Variants in NDUFA5 observed in about 807,000 individuals in gnomAD.
NDUFA5 encodes NADH:ubiquinone oxidoreductase subunit A5, also known as NADH dehydrogenase [ubiquinone] 1 alpha subcomplex subunit 5.
A neutral mutation model predicts 19.8 loss-of-function variants in NDUFA5; 11 were observed. The ratio of observed to expected loss-of-function variants is 0.56; its 90% CI spans 0.35 to 0.92. NDUFA5 has a LOEUF of 0.92. Ranked by LOEUF, NDUFA5 falls within the 40% of genes least tolerant of loss-of-function variation. The pLI is 0.01. For synonymous variants in NDUFA5, 47 were observed against 46.8 expected (o/e 1.00, Z -0.01); for missense variants, 109 against 134.2 (o/e 0.81, Z 0.93).
At chr7:123,580,077 G>T in the NDUFA5 span, among the ~76,000 whole-genome samples, 1 of 151,970 alleles carries the variant, frequency 6.6e-6, no homozygotes, top group African/African-American at 2.4e-5. Context: ...GGCGGGATTA[G>T]AAAAATTCAT....
At chr7:123,580,069 C>T in the NDUFA5 span, among the ~76,000 whole-genome samples, 1 of 151,688 alleles carries the variant, frequency 6.6e-6, no homozygotes, top group African/African-American at 2.4e-5. Context: ...AAGAGATTGG[C>T]GGGATTAGAA....
the NDUFA5 span, among the ~76,000 whole-genome samples, chr7:123,589,575 G>C: frequency 6.6e-6 from 1 of 151,948 alleles, no homozygotes; most frequent in Non-Finnish European, 1.5e-5. Context: ...GCTGTGTTTG[G>C]TTTTATGTCC....
the NDUFA5 span, among the ~76,000 whole-genome samples, chr7:123,588,541 C>T: frequency 1.3e-5 from 2 of 150,338 alleles, no homozygotes; most frequent in African/African-American, 4.9e-5. Flanking sequence ...TTCTTTCCTT[C>T]TTTTTCTTTC....
intron 4 of NDUFA5, among the ~76,000 whole-genome samples, chr7:123,543,487 G>A (rs542896898): frequency 6.6e-6 from 1 of 152,164 alleles, no homozygotes; most frequent in Non-Finnish European, 1.5e-5. Context: ...AAATTCAGAT[G>A]TGCTGCAAAG....
chr7:123,549,194 T>C (rs1798242360), intron 3 of NDUFA5, among the ~76,000 whole-genome samples: 1 of 151,912 alleles, frequency 6.6e-6, no homozygotes, highest in Non-Finnish European at 1.5e-5. Context: ...GATTTACATA[T>C]TGAAAAAAAA....
At chr7:123,583,769 T>C in the NDUFA5 span, among the ~76,000 whole-genome samples, 7 of 151,816 alleles carry the variant, frequency 4.6e-5, no homozygotes, top group Non-Finnish European at 1.0e-4. Context: ...ATCTTCATAA[T>C]ATACTGAGAA....
At chr7:123,556,028 A>C (rs1798524903) in intron 2 of NDUFA5, 1 of 152,252 alleles carries the variant, frequency 6.6e-6, no homozygotes, top group South Asian at 2.1e-4. Context: ...GGGTAGTAGC[A>C]GAGGAGGTAG....
chr7:123,599,478 A>G, the NDUFA5 span, among the ~76,000 whole-genome samples: 1 of 152,290 alleles, frequency 6.6e-6, no homozygotes, highest in African/African-American at 2.4e-5. Context: ...GTTTTTTAAA[A>G]TCCAGGCCTG....
At chr7:123,574,844 A>G in the NDUFA5 span, among the ~76,000 whole-genome samples, 1 of 151,992 alleles carries the variant, frequency 6.6e-6, no homozygotes, top group Non-Finnish European at 1.5e-5. Flanking sequence ...TTTTCCTCCA[A>G]AGTACTCTTT....
chr7:123,541,550 C>T lies in NDUFA5; in HGVS notation c.*569G>A, dbSNP rs979124859. The T allele has an allele frequency of 1.3e-5, 2 of 152,168 alleles. No individual in the cohort carries two copies. The highest frequency in any genetic ancestry group is 2.4e-5 in the African/African-American group (1 of 41,534). 9.4% of individuals were successfully genotyped at this position (152,168 alleles called of 1,614,324 possible). The stretch of plus-strand genomic sequence containing the variant: ...TTCAATAATGACTAAAATAAAATGA[C>T]ACTATGGATTTTGTAATCAACCTAT... On this transcript the variant is annotated 3_prime_UTR_variant, in exon 5 of 5. Transcript: ENST00000355749.
chr7:123,565,967 C>G, the NDUFA5 span, among the ~76,000 whole-genome samples: 1 of 150,674 alleles, frequency 6.6e-6, no homozygotes, highest in Non-Finnish European at 1.5e-5. Flanking sequence ...TGCAGTGAGC[C>G]GAGATCATGC....
chr7:123,584,501 C>A, the NDUFA5 span, among the ~76,000 whole-genome samples: 1 of 151,884 alleles, frequency 6.6e-6, no homozygotes, highest in Non-Finnish European at 1.5e-5. Flanking sequence ...ATACTAACAT[C>A]TTGTTCTAAA....
At chr7:123,570,148 C>A in the NDUFA5 span, among the ~76,000 whole-genome samples, 1 of 151,138 alleles carries the variant, frequency 6.6e-6, no homozygotes, top group East Asian at 2.0e-4. Context: ...CATTCTCCTG[C>A]CTCAGCCTCC....
upstream of NDUFA5, among the ~76,000 whole-genome samples, chr7:123,559,972 T>C (rs1251917087): frequency 6.7e-6 from 1 of 150,152 alleles, no homozygotes; most frequent in Non-Finnish European, 1.5e-5. Flanking sequence ...CAGTAGCATA[T>C]GAAAAAAAAA....
chr7:123,552,130 AT>A (rs1315622806), intron 2 of NDUFA5, among the ~76,000 whole-genome samples: 1 of 152,056 alleles, frequency 6.6e-6, no homozygotes, highest in Non-Finnish European at 1.5e-5. Context: ...AGTCTCAATA[AT>A]TACAAGTATA....
chr7:123,563,948 A>G, the NDUFA5 span, among the ~76,000 whole-genome samples: 1 of 152,226 alleles, frequency 6.6e-6, no homozygotes, highest in Non-Finnish European at 1.5e-5. Context: ...ACAAACATCT[A>G]TGAAAAAATG....
the NDUFA5 span, among the ~76,000 whole-genome samples, chr7:123,575,669 A>G: frequency 6.6e-6 from 1 of 152,020 alleles, no homozygotes; most frequent in African/African-American, 2.4e-5. Flanking sequence ...TTTATCTTTG[A>G]AGGACAGCTT....
chr7:123,553,136 G>A (rs1458260456), intron 2 of NDUFA5, among the ~76,000 whole-genome samples: 2 of 152,154 alleles, frequency 1.3e-5, no homozygotes, highest in East Asian at 3.8e-4. Context: ...ACTGGACATG[G>A]ATCACACTCC....
At chr7:123,597,996 T>G in the NDUFA5 span, among the ~76,000 whole-genome samples, 1 of 150,678 alleles carries the variant, frequency 6.6e-6, no homozygotes, top group Non-Finnish European at 1.5e-5. Flanking sequence ...ACAGCCTTCT[T>G]AGGTCTCATC....
Sources: gnomAD v4.1 joint callset for allele counts (sites outside exome capture counted in the v4.1 genomes callset) on GRCh38, gnomAD v4.1.1 for gene constraint, MANE v1.5 for transcripts, NCBI Gene and HGNC (gene_info 2026-07-23, HGNC 2026-07-21) for gene names.